MAP3K13: variants seen among roughly 807,000 people sequenced by gnomAD.
MAP3K13 encodes mitogen-activated protein kinase kinase kinase 13, also known as leucine zipper-bearing kinase.
MAP3K13 carries 52 observed loss-of-function variants against 104.0 expected under a neutral mutation model. The ratio of observed to expected loss-of-function variants is 0.50; its 90% CI spans 0.40 to 0.63. MAP3K13 has a LOEUF of 0.63. Among genes scored for constraint, MAP3K13 ranks in the 20% least tolerant of loss-of-function variants. The probability of loss-of-function intolerance (pLI) is 0.00; values close to 1 mark genes in which losing one functional copy is unlikely to be tolerated. For synonymous variants in MAP3K13, 394 were observed against 442.2 expected (o/e 0.89, Z 1.37); for missense variants, 914 against 1,218.5 (o/e 0.75, Z 3.72).
intron 2 of MAP3K13, among the ~76,000 whole-genome samples, chr3:185,312,067 T>G (rs1721513228): frequency 6.6e-6 from 1 of 152,258 alleles, no homozygotes; most frequent in Non-Finnish European, 1.5e-5. Context: ...TTTGGTATCA[T>G]GAGTGATTTC....
At chr3:185,304,754 C>T (rs1023729789) in intron 2 of MAP3K13, among the ~76,000 whole-genome samples, 3 of 152,142 alleles carry the variant, frequency 2.0e-5, no homozygotes, top group African/African-American at 7.2e-5. Context: ...CTGCCTCAGC[C>T]TCCCGAGCAG....
chr3:185,433,314 T>A (rs1459662456), intron 2 of MAP3K13, among the ~76,000 whole-genome samples: 1 of 152,150 alleles, frequency 6.6e-6, no homozygotes, highest in Non-Finnish European at 1.5e-5. Flanking sequence ...ATTGGGAAGA[T>A]AAAATTGAAG....
intron 1 of MAP3K13, among the ~76,000 whole-genome samples, chr3:185,380,433 C>A (rs969924810): frequency 6.6e-6 from 1 of 151,094 alleles, no homozygotes; most frequent in African/African-American, 2.4e-5. Flanking sequence ...ATCGCTTGAA[C>A]CCGGGAGGCA....
intron 1 of MAP3K13, chr3:185,417,965 A>T (rs1577532825): frequency 6.2e-7 from 1 of 1,608,944 alleles, no homozygotes; most frequent in Non-Finnish European, 8.5e-7. Context: ...CTCTTGAGGG[A>T]AGCGGCTTTA....
At chr3:185,360,096 G>A (rs12492085), upstream of MAP3K13, among the ~76,000 whole-genome samples, 22,525 of 152,022 alleles carry the variant, frequency 0.15, 2,029 homozygotes, top group Non-Finnish European at 0.19. Flanking sequence ...TGAAGTTTGA[G>A]GAGATTCATT....
intron 11 of MAP3K13, among the ~76,000 whole-genome samples, chr3:185,475,076 A>G: frequency 7.2e-6 from 1 of 139,452 alleles, no homozygotes. Context: ...ACTGGGCGAC[A>G]GTGTGAGACC....
chr3:185,285,340 A>G, intron 1 of MAP3K13: 1 of 283,920 alleles, frequency 3.5e-6, no homozygotes, highest in Non-Finnish European at 6.7e-6. Context: ...TGTCTTACTT[A>G]AAAATGCAGT....
Position 185,482,021 on chromosome 3 carries a change from T to C in MAP3K13, c.2800-334T>C, listed in dbSNP as rs1477561486. On this transcript the variant is annotated intron_variant, in intron 13 of 13. Coordinates refer to ENST00000265026, the MANE Select transcript of MAP3K13 (RefSeq NM_004721.5). The surrounding 1 kb of genome is among the most constrained non-coding windows in gnomAD (Gnocchi z 4.5). Reference sequence around the variant, plus strand: ...ATCGCTTGAATCCGGGAGGCGGAGGTTGCAGCGAGCCAAGATCGTGCCACT... The same window carrying C: ...ATCGCTTGAATCCGGGAGGCGGAGGCTGCAGCGAGCCAAGATCGTGCCACT... 6.6e-6 allele frequency among the ~76,000 whole-genome samples: 1 copy of C among 151,842 alleles called. No homozygotes were observed. Among genetic ancestry groups the C allele is most frequent in the Non-Finnish European group, 1.5e-5 (1 of 67,950 alleles).
At chr3:185,458,753 C>T (rs535200480) in intron 7 of MAP3K13, among the ~76,000 whole-genome samples, 4 of 152,188 alleles carry the variant, frequency 2.6e-5, no homozygotes, top group Non-Finnish European at 4.4e-5. Context: ...ACCAAAACTT[C>T]GGTCAAGAGG....
intron 1 of MAP3K13, among the ~76,000 whole-genome samples, chr3:185,402,996 C>T (rs1434859082): frequency 6.6e-6 from 1 of 152,074 alleles, no homozygotes; most frequent in Admixed American, 6.6e-5. Context: ...AAGGCAAAAC[C>T]TCCCTATTTC....
At chr3:185,454,218 T>G (rs1346659785) in intron 7 of MAP3K13, among the ~76,000 whole-genome samples, 3 of 30,724 alleles carry the variant, frequency 9.8e-5, no homozygotes, top group African/African-American at 2.4e-4. Context: ...ATATATGAGA[T>G]ATATATATGA....
intron 1 of MAP3K13, among the ~76,000 whole-genome samples, chr3:185,283,898 C>CTTTTTT (rs1201384582): frequency 8.2e-4 from 104 of 127,350 alleles, no homozygotes; most frequent in Middle Eastern, 4.3e-3. Context: ...TTCTTTCTTT[C>CTTTTTT]TTTTTTTTTT....
rs1283914038 is a variant in MAP3K13 at position 185,340,719 on chromosome 3, C to T, written c.-86+55076C>T. On this transcript the variant is annotated intron_variant, in intron 2 of 14. Transcript: ENST00000424227. ...ATCACGGGGGTAGTTTGCTCTATGC[C>T]GTTCTTGTGATAGTGAGTAAGTCTC... 3.9e-5 allele frequency among the ~76,000 whole-genome samples: 6 copies of T among 151,954 alleles called. No individual in the cohort carries two copies. In the East Asian group the frequency reaches 7.7e-4, roughly 20 times the overall value.
At chr3:185,317,803 T>C (rs1721729098) in intron 2 of MAP3K13, among the ~76,000 whole-genome samples, 1 of 152,172 alleles carries the variant, frequency 6.6e-6, no homozygotes, top group Admixed American at 6.5e-5. Context: ...TATTGATTCA[T>C]CTGTGGTGTA....
intron 2 of MAP3K13, among the ~76,000 whole-genome samples, chr3:185,308,009 CT>C (rs33949195): frequency 0.043 from 1,352 of 31,584 alleles, 12 homozygotes; most frequent in African/African-American, 0.073. Context: ...TCTTTGGGGT[CT>C]TTTTTTTTTT....
intron 1 of MAP3K13, among the ~76,000 whole-genome samples, chr3:185,399,905 C>T (rs1712691432): frequency 6.6e-6 from 1 of 151,958 alleles, no homozygotes; most frequent in Non-Finnish European, 1.5e-5. Context: ...GCATTGAATC[C>T]TCCACACCAG....
chr3:185,412,517 G>C (rs923103465), intron 1 of MAP3K13, among the ~76,000 whole-genome samples: 5 of 152,136 alleles, frequency 3.3e-5, no homozygotes, highest in Admixed American at 3.3e-4. Flanking sequence ...TTCCAAAACA[G>C]TGACATAAGA....
At chr3:185,303,350 T>C (rs1203862491) in intron 2 of MAP3K13, among the ~76,000 whole-genome samples, 1 of 152,158 alleles carries the variant, frequency 6.6e-6, no homozygotes, top group Non-Finnish European at 1.5e-5. Flanking sequence ...TTTGGAAGTG[T>C]TTTATCCTCT....
chr3:185,429,146 C>A, intron 2 of MAP3K13, 90 bp downstream of exon 2: 1 of 1,253,246 alleles, frequency 8.0e-7, no homozygotes, highest in Non-Finnish European at 1.1e-6. Context: ...AACCTATGAC[C>A]TTTGGGCAAA....
Sources: allele counts gnomAD v4.1 joint callset (sites outside exome capture counted in the v4.1 genomes callset), GRCh38; gene constraint gnomAD v4.1.1; non-coding constraint Gnocchi (gnomAD v3.1); transcripts MANE v1.5; gene names NCBI Gene and HGNC (gene_info 2026-07-23, HGNC 2026-07-21).